CASK: variants seen among roughly 807,000 people sequenced by gnomAD.
CASK encodes peripheral plasma membrane protein CASK.
A neutral mutation model predicts 82.9 loss-of-function variants in CASK; 4 were observed. That is an observed-to-expected ratio of 0.05 (90% CI 0.02 to 0.11). CASK has a LOEUF of 0.11. Ranked by LOEUF, CASK falls within the 10% of genes least tolerant of loss-of-function variation. CASK has a pLI of 1.00. For synonymous variants in CASK, 259 were observed against 253.5 expected (o/e 1.02, Z -0.20); for missense variants, 358 against 720.9 (o/e 0.50, Z 5.76).
At chrX:41,764,784 A>G (rs2069078177) in intron 3 of CASK, among the ~76,000 whole-genome samples, 1 of 111,451 alleles carries the variant, frequency 9.0e-6, no homozygotes, top group Non-Finnish European at 1.9e-5. Context: ...GTTCCTTCCT[A>G]TACTATAGCC....
chrX:41,908,033 C>T (rs1437550489), intron 1 of CASK, among the ~76,000 whole-genome samples: 3 of 111,305 alleles, frequency 2.7e-5, no homozygotes, highest in Non-Finnish European at 3.8e-5. Context: ...TCCTGTTGTG[C>T]GGCCTGGTTT....
At chrX:41,901,094 G>T (rs1056451590) in intron 1 of CASK, among the ~76,000 whole-genome samples, 2 of 111,333 alleles carry the variant, frequency 1.8e-5, no homozygotes, top group African/African-American at 3.3e-5. Context: ...TTTATGACTG[G>T]TTACCGGTGC....
chrX:41,917,378 A>G (rs1019791888), intron 1 of CASK, among the ~76,000 whole-genome samples: 19 of 112,540 alleles, frequency 1.7e-4, no homozygotes, highest in African/African-American at 6.1e-4. Context: ...TTTTTAAACA[A>G]CCTTATGTCA....
intron 11 of CASK, among the ~76,000 whole-genome samples, chrX:41,611,925 T>A (rs1406004756): frequency 9.0e-6 from 1 of 111,701 alleles, no homozygotes; most frequent in Non-Finnish European, 1.9e-5. Flanking sequence ...GGTCTCCAGC[T>A]CCTAACCGCG....
chrX:41,666,425 C>T (rs141052964), intron 6 of CASK, among the ~76,000 whole-genome samples: 3,632 of 111,883 alleles, frequency 0.032, 77 homozygotes, highest in Admixed American at 0.082. Context: ...GCCCAGCCAC[C>T]TCCCTTCCTC....
At chrX:41,792,424 G>A (rs745358440) in intron 2 of CASK, among the ~76,000 whole-genome samples, 24 of 108,598 alleles carry the variant, frequency 2.2e-4, no homozygotes, top group Non-Finnish European at 3.8e-4. Context: ...CTGAGCAGCT[G>A]GGCTACAGGC....
intron 3 of CASK, among the ~76,000 whole-genome samples, chrX:41,781,282 G>A (rs1240077105): frequency 9.0e-6 from 1 of 111,600 alleles, no homozygotes; most frequent in African/African-American, 3.3e-5. Context: ...CAACATTCTC[G>A]GGCCATATAA....
At chrX:41,783,389 AC>A (rs998347333) in intron 3 of CASK, among the ~76,000 whole-genome samples, 18 of 109,119 alleles carry the variant, frequency 1.6e-4, no homozygotes, top group African/African-American at 5.7e-4. Context: ...ACATGGTGAA[AC>A]CCTGTCTCTA....
At chrX:41,868,035 T>G (rs778265775) in intron 1 of CASK, among the ~76,000 whole-genome samples, 5 of 112,318 alleles carry the variant, frequency 4.5e-5, no homozygotes, top group Non-Finnish European at 9.4e-5. Context: ...AAGACTCAGA[T>G]GACAAAGAAA....
At chrX:41,728,080 G>T (rs1285525871) in intron 5 of CASK, 1 of 754,370 alleles carries the variant, frequency 1.3e-6, no homozygotes, top group African/African-American at 2.1e-5. Flanking sequence ...AAGCATTCAT[G>T]TGACTTTATT....
intron 1 of CASK, among the ~76,000 whole-genome samples, chrX:41,918,201 G>A (rs746841080): frequency 1.8e-5 from 2 of 111,865 alleles, no homozygotes; most frequent in South Asian, 7.4e-4. Flanking sequence ...TCTCCCTATG[G>A]TACTAGAAAC....
At chrX:41,547,000 G>A (rs893827723) in intron 21 of CASK, among the ~76,000 whole-genome samples, 5 of 110,740 alleles carry the variant, frequency 4.5e-5, no homozygotes, top group Admixed American at 1.9e-4. Flanking sequence ...GCACGATCTC[G>A]GCTCACTGCA....
chrX:41,515,974 T>C lies in CASK; in HGVS notation c.*4446A>G, dbSNP rs1370425327. ...TGGTGACAAACATCTCTTTCCATTTTCTTTTGCTCAGTCCATTTGCACAGG... is the reference window on the plus strand; with the variant it reads ...TGGTGACAAACATCTCTTTCCATTTCCTTTTGCTCAGTCCATTTGCACAGG... On this transcript the variant is annotated 3_prime_UTR_variant, in exon 27 of 27. Transcript: ENST00000378163. 8.9e-6 allele frequency: 1 copy of C among 112,461 alleles called. No homozygotes were observed. The highest frequency in any genetic ancestry group is 1.9e-5 in the Non-Finnish European group (1 of 53,296). The allele number at this position is 112,461 out of a possible 1,213,427, so 9.3% of individuals were successfully genotyped here. A position where few individuals can be genotyped will look rare whatever the true frequency, so the allele number is the denominator to read the frequency against.
chrX:41,831,015 C>T (rs12558921), intron 2 of CASK, among the ~76,000 whole-genome samples: 2,776 of 109,754 alleles, frequency 0.025, 57 homozygotes, highest in Admixed American at 0.08. Flanking sequence ...TGCACCATCC[C>T]GAGACTCCTC....
intron 12 of CASK, among the ~76,000 whole-genome samples, chrX:41,602,328 T>C (rs1271928068): frequency 2.7e-5 from 3 of 111,954 alleles, no homozygotes; most frequent in African/African-American, 9.7e-5. Flanking sequence ...TTTTTTTTGT[T>C]CAATTTATTC....
At chrX:41,912,056 G>T (rs1308492111) in intron 1 of CASK, among the ~76,000 whole-genome samples, 1 of 80,834 alleles carries the variant, frequency 1.2e-5, no homozygotes, top group Admixed American at 1.5e-4. Context: ...AACAGGCCCC[G>T]GTGTGTGATG....
intron 2 of CASK, among the ~76,000 whole-genome samples, chrX:41,819,027 G>A (rs757753869): frequency 7.2e-5 from 8 of 111,258 alleles, no homozygotes; most frequent in Non-Finnish European, 1.3e-4. Flanking sequence ...AAAACAATAC[G>A]TCGACAAATT....
intron 5 of CASK, among the ~76,000 whole-genome samples, chrX:41,684,046 A>C (rs2067404823): frequency 1.8e-5 from 2 of 111,932 alleles, no homozygotes; most frequent in South Asian, 7.4e-4. Context: ...TTTAAGTAGA[A>C]AATCAATTAA....
At position 41,830,827 on chromosome X, in the gene CASK, A is replaced by C. The variant is rs747658168; in HGVS notation, c.172+22288T>G. On this transcript the variant is annotated intron_variant, in intron 2 of 26. Transcript: ENST00000378163. ...AGAGCGAGACTCTGCCAAAAAAAAAAAAAAAAAAACAAAAGAAGTGATAGA... is the reference window on the plus strand; with the variant it reads ...AGAGCGAGACTCTGCCAAAAAAAAACAAAAAAAAACAAAAGAAGTGATAGA... Among the ~76,000 whole-genome samples the C allele has an allele frequency of 1.1e-4, 12 of 109,301 alleles. No homozygotes were observed. In the East Asian group the frequency reaches 3.1e-3, roughly 28 times the overall value. 94.9% of individuals were successfully genotyped at this position (109,301 alleles called of 115,157 possible).
Sources: gnomAD v4.1 joint callset for allele counts (sites outside exome capture counted in the v4.1 genomes callset) on GRCh38, gnomAD v4.1.1 for gene constraint, MANE v1.5 for transcripts, NCBI Gene and HGNC (gene_info 2026-07-23, HGNC 2026-07-21) for gene names.